RAB27A: variants seen among roughly 807,000 people sequenced by gnomAD.
RAB27A encodes the protein RAB27A, member RAS oncogene family.
Under a neutral mutation model 20.8 loss-of-function variants are expected in RAB27A, and 17 were observed. The observed-to-expected ratio is 0.82, with a 90% CI of 0.56 to 1.23. The LOEUF (loss-of-function observed/expected upper bound fraction) is 1.23, where lower values mean the gene tolerates loss of function less well. Among genes scored for constraint, RAB27A ranks in the 50% most tolerant of loss-of-function variants. The pLI is 0.00. For synonymous variants in RAB27A, 85 were observed against 92.8 expected (o/e 0.92, Z 0.48); for missense variants, 277 against 266.7 (o/e 1.04, Z -0.27).
chr15:55,275,918 T>TAAAAAAAA (rs60106785), intron 1 of RAB27A, among the ~76,000 whole-genome samples: 17 of 104,116 alleles, frequency 1.6e-4, no homozygotes, highest in South Asian at 3.4e-4. Context: ...GATGGCTAAT[T>TAAAAAAAA]AAAAAAAAAA....
intron 6 of RAB27A, among the ~76,000 whole-genome samples, chr15:55,213,468 G>A (rs983374498): frequency 1.3e-5 from 2 of 152,132 alleles, no homozygotes; most frequent in Non-Finnish European, 2.9e-5. Flanking sequence ...TAGATCAAGG[G>A]TTCCCAATCC....
intron 2 of RAB27A, among the ~76,000 whole-genome samples, chr15:55,251,853 G>A (rs1001518772): frequency 2.6e-5 from 4 of 152,118 alleles, no homozygotes; most frequent in Non-Finnish European, 5.9e-5. Flanking sequence ...TCTGTGTCAT[G>A]AGGAGTGTTT....
At chr15:55,300,379 G>C (rs1016691162) in intron 2 of RAB27A, among the ~76,000 whole-genome samples, 3 of 152,060 alleles carry the variant, frequency 2.0e-5, no homozygotes, top group African/African-American at 7.2e-5. Context: ...TGAAAGGAAA[G>C]ACAAAAGGGG....
chr15:55,275,178 G>C (rs918881881), intron 1 of RAB27A, among the ~76,000 whole-genome samples: 3 of 151,814 alleles, frequency 2.0e-5, no homozygotes, highest in Admixed American at 1.3e-4. Context: ...CTTGAACCCA[G>C]GAGGCAGAGG....
rs116953538 is a variant in RAB27A at position 55,253,632 on chromosome 15, T to C, written c.-23+16533A>G. Reference sequence around the variant, plus strand: ...GCCATCTATGGAAACAAAGCTCCTATTTTCTTAACATGCCTCTGAGAAAGA... The same window carrying C: ...GCCATCTATGGAAACAAAGCTCCTACTTTCTTAACATGCCTCTGAGAAAGA... On this transcript the variant is annotated intron_variant, in intron 2 of 6. Transcript: ENST00000336787. Among the ~76,000 whole-genome samples the C allele has an allele frequency of 1.2e-3, 188 of 152,174 alleles. 4 individuals carry two copies. The East Asian group carries it at 0.025, about 20-fold the overall frequency.
At chr15:55,303,620 GC>G (rs1393562861) in intron 2 of RAB27A, among the ~76,000 whole-genome samples, 2 of 96,926 alleles carry the variant, frequency 2.1e-5, no homozygotes, top group African/African-American at 8.1e-5. Context: ...GAGGGGGTCG[GC>G]CCCCCGCCCG....
chr15:55,223,746 T>C lies in RAB27A; in HGVS notation c.467+143A>G, dbSNP rs566833915. On this transcript the variant is annotated intron_variant, in intron 6 of 6. Transcript: ENST00000336787. ...CAATGGATCCTACTATCATATCATA[T>C]AAAAAGGACACATTCAACATGCCCC... The C allele has an allele frequency of 1.8e-5, 17 of 968,870 alleles. No homozygotes were observed. In the South Asian group the frequency reaches 1.8e-4, roughly 10 times the overall value. 60.0% of individuals were successfully genotyped at this position (968,870 alleles called of 1,614,324 possible). A position where few individuals can be genotyped will look rare whatever the true frequency, so the allele number is the denominator to read the frequency against.
intron 1 of RAB27A, chr15:55,317,911 T>G (rs1713634038): frequency 5.2e-6 from 2 of 387,744 alleles, no homozygotes. Flanking sequence ...TAGTACAATG[T>G]CCTTTTAAAA....
intron 2 of RAB27A, 71 bp from the exon 3 acceptor site, chr15:55,235,027 C>T (rs1896198727): frequency 8.0e-7 from 1 of 1,251,704 alleles, no homozygotes; most frequent in Non-Finnish European, 1.1e-6. Flanking sequence ...TAAAAAGTGA[C>T]AACAATATTC....
At chr15:55,261,027 G>A (rs1308219881) in intron 2 of RAB27A, among the ~76,000 whole-genome samples, 2 of 149,872 alleles carry the variant, frequency 1.3e-5, no homozygotes, top group South Asian at 2.1e-4. Context: ...CATGTTGGGG[G>A]GTTTGGGAGG....
upstream of RAB27A, among the ~76,000 whole-genome samples, chr15:55,293,038 G>A (rs563686318): frequency 7.9e-5 from 12 of 152,080 alleles, no homozygotes; most frequent in Non-Finnish European, 1.6e-4. Context: ...TCATCTCTAC[G>A]CCACTTCTTA....
rs561737636 is a variant in RAB27A, at chr15:55,223,575, C to A, written c.467+314G>T. Reference sequence around the variant, plus strand: ...CTCAACATGGAGGATTTCTTTACCCCAGGAGTCTCCTATTTGCATCTTGGA... The same window carrying A: ...CTCAACATGGAGGATTTCTTTACCCAAGGAGTCTCCTATTTGCATCTTGGA... On this transcript the variant is annotated intron_variant, in intron 6 of 6. Coordinates refer to ENST00000336787, the MANE Select transcript of RAB27A (RefSeq NM_183235.3). Among the ~76,000 whole-genome samples, 5 of 152,068 alleles carry A rather than the reference C, an allele frequency of 3.3e-5. No individual in the cohort carries two copies. In the East Asian group the frequency reaches 7.7e-4, roughly 24 times the overall value.
chr15:55,225,922 G>A (rs1034322621), intron 5 of RAB27A, among the ~76,000 whole-genome samples: 7 of 152,244 alleles, frequency 4.6e-5, no homozygotes, highest in Admixed American at 3.3e-4. Flanking sequence ...GTTTATTACA[G>A]AGAATCTCAC....
intron 1 of RAB27A, among the ~76,000 whole-genome samples, chr15:55,275,702 T>C (rs1192225228): frequency 6.6e-6 from 1 of 151,082 alleles, no homozygotes; most frequent in Non-Finnish European, 1.5e-5. Flanking sequence ...ATATCCAAAA[T>C]ATACAAGAAC....
chr15:55,210,036 G>A (rs1894905747), intron 6 of RAB27A, among the ~76,000 whole-genome samples: 1 of 142,300 alleles, frequency 7.0e-6, no homozygotes, highest in South Asian at 2.2e-4. Context: ...ATATATGTGT[G>A]TGTACATGTA....
rs1595699929 is a variant in RAB27A, at chr15:55,234,825, T to G, written c.110A>C (p.Lys37Thr). The G allele has an allele frequency of 3.1e-6, 5 of 1,612,412 alleles. No homozygotes were observed. Among genetic ancestry groups the G allele is most frequent in the Non-Finnish European group, 3.4e-6 (4 of 1,178,700 alleles). ...YQYTDGKFNS[K>T]FITTVGIDFR... Reference sequence around the variant, plus strand: ...ATCAATGCCCACTGTTGTGATAAATTTGGAGTTAAATTTACCATCTGTATA... The same window carrying G: ...ATCAATGCCCACTGTTGTGATAAATGTGGAGTTAAATTTACCATCTGTATA... The change falls in exon 3 of 7, where the codon AAA (lysine) becomes ACA (threonine). Residue 37 changes from lysine to threonine, a missense_variant. Coordinates refer to ENST00000336787, the MANE Select transcript of RAB27A (RefSeq NM_183235.3).
intron 1 of RAB27A, among the ~76,000 whole-genome samples, chr15:55,279,318 A>G (rs1324708073): frequency 6.6e-6 from 1 of 152,216 alleles, no homozygotes; most frequent in East Asian, 1.9e-4. Flanking sequence ...GGGCAGGTGA[A>G]AATGGATCCA....
intron 6 of RAB27A, among the ~76,000 whole-genome samples, chr15:55,221,406 G>A (rs1566904328): frequency 6.6e-6 from 1 of 151,916 alleles, no homozygotes; most frequent in Non-Finnish European, 1.5e-5. Context: ...CAACACTACA[G>A]CATTCTCTGT....
intron 2 of RAB27A, among the ~76,000 whole-genome samples, chr15:55,309,909 C>T (rs1293484107): frequency 6.6e-6 from 1 of 151,978 alleles, no homozygotes; most frequent in Admixed American, 6.6e-5. Flanking sequence ...TGTTGGGCCT[C>T]GGGTCTAAGG....
Sources: gnomAD v4.1 joint callset for allele counts (sites outside exome capture counted in the v4.1 genomes callset) on GRCh38, gnomAD v4.1.1 for gene constraint, MANE v1.5 for transcripts, NCBI Gene and HGNC (gene_info 2026-07-23, HGNC 2026-07-21) for gene names.